LAD1: variants seen among roughly 807,000 people sequenced by gnomAD.
The protein encoded by LAD1 is ladinin 1.
In LAD1, 53 loss-of-function variants were observed where a neutral mutation model predicts 54.2. The ratio of observed to expected loss-of-function variants is 0.98; its 90% CI spans 0.78 to 1.23. LAD1 has a LOEUF of 1.23. LAD1 is among the 50% of genes most tolerant of loss of function. The pLI, the probability that LAD1 is intolerant of heterozygous loss-of-function variation, is 0.00. For synonymous variants in LAD1, 231 were observed against 257.7 expected, an observed-to-expected ratio of 0.90 and a Z score of 0.99; for missense variants, 637 against 653.3, an observed-to-expected ratio of 0.98 and a Z score of 0.27.
intron 5 of LAD1, chr1:201,383,609 C>T: frequency 1.7e-6 from 1 of 593,978 alleles, no homozygotes; most frequent in Non-Finnish European, 3.0e-6. Context: ...TTCAATAGGA[C>T]ATCCCTTCTC....
At position 201,387,041 on chromosome 1, in the gene LAD1, G is replaced by T; in HGVS notation, c.320C>A (p.Ala107Asp). The T allele has an allele frequency of 2.5e-6, 4 of 1,612,154 alleles. No individual in the cohort carries two copies. Among genetic ancestry groups the T allele is most frequent in the Admixed American group, 3.3e-5 (2 of 59,766 alleles). ...QRRQVVEAAQ[A>D]PIQERLEAEE... is the part of the protein sequence containing the mutation. Reference sequence around the variant, plus strand: ...TGCCTCCAGCCTCTCCTGGATGGGGGCCTGTGCAGCCTCCACCACCTGCCG... The same window carrying T: ...TGCCTCCAGCCTCTCCTGGATGGGGTCCTGTGCAGCCTCCACCACCTGCCG... Residue 107 changes from alanine (A) to aspartate (D), a missense_variant, in exon 3 of 10, where the codon GCC becomes GAC. Ala to Asp is a moderately radical substitution (Grantham distance 126). Coordinates refer to ENST00000391967, the MANE Select transcript of LAD1 (RefSeq NM_005558.4).
At position 201,389,216 on chromosome 1, in the gene LAD1, G is replaced by T. The variant is rs376205743; in HGVS notation, c.126C>A (p.Asp42Glu). 3.7e-6 allele frequency: 6 copies of T among 1,614,096 alleles called. No individual in the cohort carries two copies. The highest frequency in any genetic ancestry group is 1.1e-5 in the South Asian group (1 of 91,094). The change falls in exon 2 of 10, where the codon GAC (aspartate) becomes GAA (glutamate). Residue 42 changes from aspartate (D) to glutamate (E), a missense_variant. By Grantham distance (45) the Asp-to-Glu change is conservative. Transcript: ENST00000391967. ...RRHRNLSSTT[D>E]DEAPRLSQNG... ...TCTGGCTGAGCCTGGGAGCCTCATC[G>T]TCCGTGGTGGAGCTCAGGTTGCGGT...
chr1:201,386,316 G>A lies in LAD1; in HGVS notation c.1026+19C>T. Reference sequence around the variant, plus strand: ...CAGGTGGCAGAGTAGAAGGGTGGGAGGGACGGGACACTGCCAACCTGGAGT... The same window carrying A: ...CAGGTGGCAGAGTAGAAGGGTGGGAAGGACGGGACACTGCCAACCTGGAGT... On this transcript the variant is annotated intron_variant, in intron 3 of 9. Transcript: ENST00000391967. The A allele has an allele frequency of 1.4e-6, 2 of 1,429,690 alleles. No individual in the cohort carries two copies. The highest frequency in any genetic ancestry group is 1.8e-6 in the Non-Finnish European group (2 of 1,090,802). 88.6% of individuals were successfully genotyped at this position (1,429,690 alleles called of 1,614,324 possible).
At chr1:201,384,761 TAGAA>T (rs746530122) in intron 5 of LAD1, 27 bp downstream of exon 5, 16 of 1,612,226 alleles carry the variant, frequency 9.9e-6, no homozygotes, top group Non-Finnish European at 1.4e-5. Flanking sequence ...CATGGCCAAA[TAGAA>T]AGAACCAGAG....
At chr1:201,392,934 C>T (rs557120628) in intron 1 of LAD1, among the ~76,000 whole-genome samples, 5 of 152,064 alleles carry the variant, frequency 3.3e-5, no homozygotes, top group South Asian at 2.1e-4. Context: ...GTGATAGATT[C>T]GGGACATGTT....
chr1:201,397,563 C>A (rs79753064), intron 1 of LAD1, among the ~76,000 whole-genome samples: 191 of 150,562 alleles, frequency 1.3e-3, no homozygotes, highest in African/African-American at 2.8e-3. Flanking sequence ...ACACACACAC[C>A]CCCCCATGCA....
In LAD1 at chr1:201,388,168, A is replaced by G. The variant is rs140760846; in HGVS notation, c.183-990T>C. Among the ~76,000 whole-genome samples, 1,431 of 152,300 alleles carry G rather than the reference A, an allele frequency of 9.4e-3. 28 individuals are homozygous for G. Among genetic ancestry groups the G allele is most frequent in the African/African-American group, 0.033 (1,363 of 41,548 alleles). On this transcript the variant is annotated intron_variant, in intron 2 of 9. Transcript: ENST00000391967. ...AGCACTGGGAAGTTGAGGCTGGTGGATCACCTGAGGTCAGGAGTTCAAGAT... is the reference window on the plus strand; with the variant it reads ...AGCACTGGGAAGTTGAGGCTGGTGGGTCACCTGAGGTCAGGAGTTCAAGAT...
chr1:201,383,593 G>A (rs562798550), intron 5 of LAD1: 65 of 617,364 alleles, frequency 1.1e-4, no homozygotes, highest in Admixed American at 2.3e-4. Context: ...TCCAAGAAAC[G>A]TCCCATTCAA....
intron 1 of LAD1, among the ~76,000 whole-genome samples, chr1:201,393,765 G>T (rs992184739): frequency 5.3e-5 from 8 of 150,894 alleles, no homozygotes; most frequent in Non-Finnish European, 1.0e-4. Context: ...AAAAAAAGTT[G>T]GGACAGTAGC....
Position 201,383,167 on chromosome 1 carries a change from TA to T in LAD1, c.1292del (p.Leu431TyrfsTer8), listed in dbSNP as rs771843264. ...TGGCTACACCCACAGGAGCCACGAA[TA>T]ACTCAGTGCAAGGCAGACCCCGAGA... ...VKSRGLPCTELFVAPVGVASK... is the reference protein window; with the variant it reads ...VKSRGLPCTEXFVAPVGVASK... On this transcript the variant is annotated frameshift_variant, in exon 7 of 10. Transcript: ENST00000391967. LOFTEE classifies it high-confidence loss of function. The T allele has an allele frequency of 6.2e-7, 1 of 1,613,982 alleles. No individual in the cohort carries two copies. Among genetic ancestry groups the T allele is most frequent in the South Asian group, 1.1e-5 (1 of 91,062 alleles).
At position 201,382,233 on chromosome 1, in the gene LAD1, G is replaced by A. The variant is rs780692415; in HGVS notation, c.1548+19C>T. 6.2e-7 allele frequency: 1 copy of A among 1,605,244 alleles called. No homozygotes were observed. The highest frequency in any genetic ancestry group is 8.5e-7 in the Non-Finnish European group (1 of 1,172,616). ...CCGTGGCCCTCCGCCGTAGGGCCAGGCTCCTCCCCACCATTCACCTCAGCG... is the reference window on the plus strand; with the variant it reads ...CCGTGGCCCTCCGCCGTAGGGCCAGACTCCTCCCCACCATTCACCTCAGCG... On this transcript the variant is annotated intron_variant, in intron 9 of 9. Coordinates refer to ENST00000391967, the MANE Select transcript of LAD1 (RefSeq NM_005558.4).
chr1:201,387,300 C>A (rs4915230), intron 2 of LAD1, 122 bp from the exon 3 acceptor site: 517,360 of 1,073,460 alleles, frequency 0.48, 129,702 homozygotes, highest in South Asian at 0.61. Flanking sequence ...AGGCCCTGGC[C>A]TCCCCGGCTC....
intron 1 of LAD1, 26 bp downstream of exon 1, chr1:201,399,243 C>A: frequency 6.5e-7 from 1 of 1,539,566 alleles, no homozygotes. Flanking sequence ...GACCCCCCGC[C>A]CCTCCCGGCT....
Position 201,387,860 on chromosome 1 carries a change from G to A in LAD1, c.183-682C>T, listed in dbSNP as rs373757469. On this transcript the variant is annotated intron_variant, in intron 2 of 9. Coordinates refer to ENST00000391967, the MANE Select transcript of LAD1 (RefSeq NM_005558.4). ...CACAGCACCTGGCCTCCAGCAAAAG[G>A]AGATTATTTTCCTTCCTCATCACCC... Among the ~76,000 whole-genome samples, 19 of 152,340 alleles carry A rather than the reference G, an allele frequency of 1.2e-4. 1 individual carries two copies. The highest frequency in any genetic ancestry group is 4.3e-4 in the African/African-American group (18 of 41,584).
At chr1:201,384,383 G>C (rs113777920) in intron 5 of LAD1, among the ~76,000 whole-genome samples, 5,534 of 152,002 alleles carry the variant, frequency 0.036, 145 homozygotes, top group African/African-American at 0.066. Flanking sequence ...ATCAACACCA[G>C]CGAGCCCAGG....
intron 5 of LAD1, 67 bp downstream of exon 5, chr1:201,384,725 T>C: frequency 6.6e-7 from 1 of 1,511,642 alleles, no homozygotes; most frequent in Non-Finnish European, 9.2e-7. Flanking sequence ...GGAGGGCGGG[T>C]GCAGGTACTC....
At chr1:201,396,102 C>CAA (rs2102361366) in intron 1 of LAD1, among the ~76,000 whole-genome samples, 1 of 152,348 alleles carries the variant, frequency 6.6e-6, no homozygotes, top group African/African-American at 2.4e-5. Flanking sequence ...CATTGACCTT[C>CAA]AAGCCCCAGA....
intron 4 of LAD1, among the ~76,000 whole-genome samples, chr1:201,385,188 G>A (rs1030497415): frequency 1.3e-5 from 2 of 152,206 alleles, no homozygotes; most frequent in Non-Finnish European, 2.9e-5. Context: ...GCACACATTA[G>A]AGGCATGATA....
At chr1:201,381,976 C>T in intron 9 of LAD1, 83 bp from the exon 10 acceptor site, 1 of 1,458,616 alleles carries the variant, frequency 6.9e-7, no homozygotes, top group South Asian at 1.2e-5. Flanking sequence ...GGAAGGCATC[C>T]CTTTGCCCAA....
Sources: gnomAD v4.1 joint callset for allele counts (sites outside exome capture counted in the v4.1 genomes callset) on GRCh38, gnomAD v4.1.1 for gene constraint, MANE v1.5 for transcripts, NCBI Gene and HGNC (gene_info 2026-07-23, HGNC 2026-07-21) for gene names.